The following UTY variants were observed in gnomAD, a reference collection of about 807,000 sequenced individuals.
UTY encodes the protein ubiquitously transcribed tetratricopeptide repeat containing, Y-linked.
UTY carries 12 observed loss-of-function variants against 32.5 expected under a neutral mutation model. That is an observed-to-expected ratio of 0.37 (90% CI 0.24 to 0.60). The LOEUF (loss-of-function observed/expected upper bound fraction) is 0.60. Among genes scored for constraint, UTY ranks in the 20% least tolerant of loss-of-function variants. UTY has a pLI of 0.69. For synonymous variants in UTY, 131 were observed against 103.4 expected (o/e 1.27, Z -1.62); for missense variants, 303 against 299.2 (o/e 1.01, Z -0.09).
At chrY:13,278,269 T>G in intron 27 of UTY, among the ~76,000 whole-genome samples, 1 of 33,672 alleles carries the variant, frequency 3.0e-5, no homozygotes, top group Non-Finnish European at 7.4e-5. Flanking sequence ...AATCCTTAGC[T>G]GAGACCTCGG....
chrY:13,448,033 T>C lies in UTY; in HGVS notation c.375+984A>G, dbSNP rs562371019. ...CTACAAGTGGAATTGTTTGACAAGA[T>C]AGTAACTTTGTGAAAAGCTGCTAGG... On this transcript the variant is annotated intron_variant, in intron 4 of 29. Transcript: ENST00000545955. Among the ~76,000 whole-genome samples the C allele has an allele frequency of 6.2e-4, 21 of 33,987 alleles. No homozygotes were observed. In the South Asian group the frequency reaches 0.013, roughly 22 times the overall value. The allele number at this position is 33,987 out of a possible 37,273, so 91.2% of individuals were successfully genotyped here.
At chrY:13,234,663 G>C in exon 29 of UTY, 1 of 134,513 alleles carries the variant, frequency 7.4e-6, no homozygotes, top group Non-Finnish European at 1.6e-5. Context: ...AGGTCTTCTG[G>C]TCATCTCTGC....
intron 10 of UTY, among the ~76,000 whole-genome samples, chrY:13,364,508 T>C: frequency 3.0e-5 from 1 of 33,034 alleles, no homozygotes; most frequent in African/African-American, 1.2e-4. Flanking sequence ...GGTATTATAG[T>C]CGCCTGCTCA....
intron 28 of UTY, among the ~76,000 whole-genome samples, chrY:13,252,636 T>C: frequency 2.9e-5 from 1 of 34,019 alleles, no homozygotes; most frequent in African/African-American, 1.1e-4. Context: ...ACGCCCATGC[T>C]GGACGACTGT....
chrY:13,410,458 A>T (rs2070762041), intron 6 of UTY, among the ~76,000 whole-genome samples: 1 of 33,383 alleles, frequency 3.0e-5, no homozygotes, highest in African/African-American at 1.2e-4. Context: ...CAATAATGTA[A>T]TTTTTCCCAA....
chrY:13,323,975 T>C (rs765409098), intron 20 of UTY, among the ~76,000 whole-genome samples: 1 of 33,259 alleles, frequency 3.0e-5, no homozygotes, highest in South Asian at 6.6e-4. Flanking sequence ...ATTTTACTTA[T>C]ATTTAATACT....
intron 21 of UTY, among the ~76,000 whole-genome samples, chrY:13,318,193 G>GTAATAA (rs565680061): frequency 4.5e-3 from 111 of 24,782 alleles, no homozygotes; most frequent in East Asian, 0.011. Flanking sequence ...AGTAATAATA[G>GTAATAA]TAATAATAAT....
intron 8 of UTY, among the ~76,000 whole-genome samples, chrY:13,371,683 T>C (rs2064946438): frequency 3.0e-5 from 1 of 32,799 alleles, no homozygotes; most frequent in Non-Finnish European, 7.5e-5. Context: ...GTCTCTTACT[T>C]AGTTGCTATC....
chrY:13,321,025 CAT>C (rs2059780604), intron 21 of UTY, among the ~76,000 whole-genome samples: 2 of 32,769 alleles, frequency 6.1e-5, no homozygotes, highest in Admixed American at 2.9e-4. Flanking sequence ...TCAACCAACT[CAT>C]AGGTATTAAT....
chrY:13,437,717 A>G (rs2074741271), intron 4 of UTY, among the ~76,000 whole-genome samples: 1 of 33,395 alleles, frequency 3.0e-5, no homozygotes, highest in Non-Finnish European at 7.4e-5. Flanking sequence ...AAGTCCTCCA[A>G]AAGCCCGATC....
At chrY:13,272,554 T>C in intron 27 of UTY, among the ~76,000 whole-genome samples, 1 of 33,641 alleles carries the variant, frequency 3.0e-5, no homozygotes, top group Non-Finnish European at 7.4e-5. Flanking sequence ...GTCTACAAAG[T>C]TAAAGACAGA....
chrY:13,304,834 A>G, intron 24 of UTY, among the ~76,000 whole-genome samples: 1 of 32,637 alleles, frequency 3.1e-5, no homozygotes, highest in Non-Finnish European at 7.5e-5. Context: ...CATAAAAAAT[A>G]GTTTTTTTTT....
intron 21 of UTY, among the ~76,000 whole-genome samples, chrY:13,306,761 C>G: frequency 3.1e-5 from 1 of 32,466 alleles, no homozygotes; most frequent in African/African-American, 1.2e-4. Context: ...AGTGCAGTGG[C>G]GTAATCTCAG....
intron 21 of UTY, among the ~76,000 whole-genome samples, chrY:13,306,506 A>G (rs2058694286): frequency 3.0e-5 from 1 of 33,654 alleles, no homozygotes; most frequent in African/African-American, 1.2e-4. Flanking sequence ...ATACTAATTT[A>G]TAAGAAAAGC....
At chrY:13,356,690 C>T in intron 15 of UTY, among the ~76,000 whole-genome samples, 2 of 25,325 alleles carry the variant, frequency 7.9e-5, no homozygotes, top group South Asian at 1.0e-3. Flanking sequence ...CCAGCTACTG[C>T]GGAGGATGAG....
At chrY:13,298,402 A>G (rs578066772) in intron 26 of UTY, among the ~76,000 whole-genome samples, 5 of 33,594 alleles carry the variant, frequency 1.5e-4, no homozygotes, top group African/African-American at 5.8e-4. Flanking sequence ...CTAGCACTCT[A>G]AAATATAAAA....
intron 6 of UTY, among the ~76,000 whole-genome samples, chrY:13,410,027 A>G: frequency 2.9e-5 from 1 of 33,951 alleles, no homozygotes; most frequent in Non-Finnish European, 7.3e-5. Flanking sequence ...TCACTGTAAT[A>G]AACTGTAACC....
chrY:13,360,668 T>C, intron 10 of UTY, 140 bp from the exon 11 acceptor site: 1 of 139,449 alleles, frequency 7.2e-6, no homozygotes, highest in Non-Finnish European at 1.3e-5. Context: ...TTTATGATTT[T>C]ACATTGTCGA....
chrY:13,287,603 G>C, intron 27 of UTY, among the ~76,000 whole-genome samples: 1 of 31,791 alleles, frequency 3.1e-5, no homozygotes, highest in Non-Finnish European at 7.6e-5. Context: ...AATAAGATGC[G>C]GTGCTCTAAA....
Sources: allele counts gnomAD v4.1 joint callset (sites outside exome capture counted in the v4.1 genomes callset), GRCh38; gene constraint gnomAD v4.1.1; transcripts MANE v1.5; gene names NCBI Gene and HGNC (gene_info 2026-07-23, HGNC 2026-07-21).